The following ATP11A variants were observed in gnomAD, a reference collection of about 807,000 sequenced individuals.
ATP11A encodes the protein phospholipid-transporting ATPase IH.
ATP11A carries 81 observed loss-of-function variants against 154.4 expected under a neutral mutation model. The observed-to-expected ratio is 0.52, with a 90% CI of 0.44 to 0.63. The LOEUF (loss-of-function observed/expected upper bound fraction) is 0.63. ATP11A is among the 30% of genes least tolerant of loss of function. ATP11A has a pLI of 0.00. For synonymous variants in ATP11A, 623 were observed against 585.9 expected (o/e 1.06, Z -0.91); for missense variants, 1,316 against 1,474.3 (o/e 0.89, Z 1.76).
chr13:112,839,051 C>T (rs1029631515), intron 16 of ATP11A, among the ~76,000 whole-genome samples: 1 of 152,132 alleles, frequency 6.6e-6, no homozygotes, highest in African/African-American at 2.4e-5. Context: ...TCCGCAGGAC[C>T]CTTTTTTATA....
At chr13:112,799,546 G>A (rs1422725299) in intron 2 of ATP11A, among the ~76,000 whole-genome samples, 1 of 152,176 alleles carries the variant, frequency 6.6e-6, no homozygotes, top group Admixed American at 6.5e-5. Context: ...TCATTGTCCA[G>A]GGGGGAATGT....
At chr13:112,824,118 A>G (rs367931637) in intron 9 of ATP11A, among the ~76,000 whole-genome samples, 31 of 152,306 alleles carry the variant, frequency 2.0e-4, no homozygotes, top group African/African-American at 6.7e-4. Context: ...ATATTAAGAT[A>G]TGAACTCTTA....
intron 8 of ATP11A, among the ~76,000 whole-genome samples, chr13:112,822,942 C>T (rs765501000): frequency 6.6e-5 from 10 of 152,138 alleles, no homozygotes; most frequent in Non-Finnish European, 1.2e-4. Context: ...GACGATCTTC[C>T]TGACTAGTGT....
chr13:112,699,804 G>A (rs964627625), intron 1 of ATP11A, among the ~76,000 whole-genome samples: 2 of 152,192 alleles, frequency 1.3e-5, no homozygotes, highest in Admixed American at 6.5e-5. Context: ...TCTGCTCTGA[G>A]CCATTCATGT....
intron 25 of ATP11A, among the ~76,000 whole-genome samples, chr13:112,865,605 A>T (rs2080305161): frequency 3.3e-5 from 5 of 152,186 alleles, no homozygotes; most frequent in Admixed American, 3.3e-4. Flanking sequence ...GTTGGAGTGC[A>T]ATGGCGCAGT....
At chr13:112,770,645 G>T (rs1359167888) in intron 1 of ATP11A, among the ~76,000 whole-genome samples, 1 of 152,202 alleles carries the variant, frequency 6.6e-6, no homozygotes, top group Non-Finnish European at 1.5e-5. Context: ...TGGTCCACCT[G>T]CGGAGGGCCT....
Position 112,882,815 on chromosome 13 carries a change from TG to T in ATP11A, c.*951del. On this transcript the variant is annotated 3_prime_UTR_variant, in exon 30 of 30. Transcript: ENST00000375645. The surrounding 1 kb of genome is among the most constrained non-coding windows in gnomAD (Gnocchi z 5.1). ...GTGCGAGGGCCGGGAGACAGATACT[TG>T]GCTGTGATGAGCAGACATCCTCTGT... is the stretch of plus-strand genomic sequence containing the variant. 2.5e-6 allele frequency: 1 copy of T among 399,274 alleles called. No individual in the cohort carries two copies. Among genetic ancestry groups the T allele is most frequent in the Non-Finnish European group, 4.4e-6 (1 of 226,634 alleles). 24.7% of individuals were successfully genotyped at this position (399,274 alleles called of 1,614,324 possible).
intron 1 of ATP11A, among the ~76,000 whole-genome samples, chr13:112,704,576 G>A (rs1483499954): frequency 6.6e-6 from 1 of 152,246 alleles, no homozygotes; most frequent in Admixed American, 6.5e-5. Context: ...AGATGGGCTG[G>A]GGGTGTCCCC....
At position 112,859,027 on chromosome 13, in the gene ATP11A, C is replaced by A; in HGVS notation, c.2668-366C>A. On this transcript the variant is annotated intron_variant, in intron 22 of 29. Transcript: ENST00000375645. The surrounding 1 kb of genome is among the most constrained non-coding windows in gnomAD (Gnocchi z 4.3). Reference sequence around the variant, plus strand: ...AGGAGACCCCCAGCCCTTTTCTCCCCCCACAGAATTGAGTGTGGAACCAGT... The same window carrying A: ...AGGAGACCCCCAGCCCTTTTCTCCCACCACAGAATTGAGTGTGGAACCAGT... The A allele has an allele frequency of 3.5e-6, 1 of 281,924 alleles. No homozygotes were observed. The highest frequency in any genetic ancestry group is 3.5e-5 in the South Asian group (1 of 28,276). The allele number at this position is 281,924 out of a possible 1,614,324, so 17.5% of individuals were successfully genotyped here.
chr13:112,714,799 A>G (rs1353547270), intron 1 of ATP11A, among the ~76,000 whole-genome samples: 1 of 152,154 alleles, frequency 6.6e-6, no homozygotes, highest in Admixed American at 6.5e-5. Flanking sequence ...CACATAACAA[A>G]CATGCAACAT....
chr13:112,762,268 C>T (rs1288750948), intron 1 of ATP11A, among the ~76,000 whole-genome samples: 1 of 152,144 alleles, frequency 6.6e-6, no homozygotes, highest in Non-Finnish European at 1.5e-5. Flanking sequence ...GGAATCTGTA[C>T]TGTGGAGACT....
chr13:112,834,566 CG>C (rs747350663), intron 14 of ATP11A, 22 bp from the exon 15 acceptor site: 17 of 1,546,942 alleles, frequency 1.1e-5, no homozygotes, highest in Middle Eastern at 1.7e-4. Flanking sequence ...AGATTCACCC[CG>C]AGGTTTCCCT....
intron 25 of ATP11A, among the ~76,000 whole-genome samples, chr13:112,866,161 C>T (rs1393612403): frequency 1.3e-5 from 2 of 152,208 alleles, no homozygotes; most frequent in African/African-American, 4.8e-5. Flanking sequence ...TGACTACCAA[C>T]ACACATATGG....
At chr13:112,820,180 C>T (rs1011202898) in intron 8 of ATP11A, among the ~76,000 whole-genome samples, 2 of 152,208 alleles carry the variant, frequency 1.3e-5, no homozygotes, top group African/African-American at 2.4e-5. Flanking sequence ...GCGCAAGACT[C>T]TGCCGAGAGG....
intron 1 of ATP11A, among the ~76,000 whole-genome samples, chr13:112,717,136 C>A (rs1221379422): frequency 6.6e-6 from 1 of 152,208 alleles, no homozygotes; most frequent in East Asian, 1.9e-4. Context: ...AGACACGCTT[C>A]CGCCTTGAGG....
intron 15 of ATP11A, 22 bp downstream of exon 15, chr13:112,834,682 A>G (rs1339074135): frequency 3.8e-6 from 6 of 1,567,978 alleles, no homozygotes; most frequent in Non-Finnish European, 5.3e-6. Context: ...CCTCACCCTC[A>G]GATGTGAAAG....
chr13:112,812,928 C>A (rs2078543330), intron 5 of ATP11A, among the ~76,000 whole-genome samples: 2 of 152,194 alleles, frequency 1.3e-5, no homozygotes, highest in Admixed American at 6.5e-5. Flanking sequence ...ATTTCCCTTG[C>A]AAAGCCTTCA....
At chr13:112,783,921 G>C (rs1373418016) in intron 1 of ATP11A, among the ~76,000 whole-genome samples, 1 of 152,222 alleles carries the variant, frequency 6.6e-6, no homozygotes, top group African/African-American at 2.4e-5. Context: ...GCCCAAGTCA[G>C]CTTTGCAGGA....
intron 1 of ATP11A, among the ~76,000 whole-genome samples, chr13:112,760,989 TAAAC>T: frequency 6.6e-6 from 1 of 152,282 alleles, no homozygotes; most frequent in Middle Eastern, 3.4e-3. Context: ...ATTCCAGAAA[TAAAC>T]AATTCCCAAG....
Sources: gnomAD v4.1 joint callset for allele counts (sites outside exome capture counted in the v4.1 genomes callset) on GRCh38, gnomAD v4.1.1 for gene constraint, Gnocchi (gnomAD v3.1) non-coding constraint, MANE v1.5 for transcripts, NCBI Gene and HGNC (gene_info 2026-07-23, HGNC 2026-07-21) for gene names.